Variants in MZT2A observed in about 807,000 individuals in gnomAD.
The protein encoded by MZT2A is mitotic spindle organizing protein 2A.
In MZT2A, 8 loss-of-function variants were observed where a neutral mutation model predicts 12.4. The observed-to-expected ratio is 0.64, with a 90% CI of 0.38 to 1.16. The LOEUF is 1.16. MZT2A is among the 50% of genes most tolerant of loss of function. The probability of loss-of-function intolerance (pLI) is 0.01; values close to 1 mark genes in which losing one functional copy is unlikely to be tolerated. For synonymous variants in MZT2A, 88 were observed against 107.5 expected (o/e 0.82, Z 1.12); for missense variants, 181 against 223.6 (o/e 0.81, Z 1.22).
downstream of MZT2A, chr2:131,482,924 T>TA: frequency 6.4e-7 from 1 of 1,558,688 alleles, no homozygotes. Flanking sequence ...AAAGGTTCTG[T>TA]ATAAAACCAA....
chr2:131,472,954 T>C (rs973269521), intron 2 of MZT2A, among the ~76,000 whole-genome samples: 1 of 149,854 alleles, frequency 6.7e-6, no homozygotes, highest in Non-Finnish European at 1.5e-5. Flanking sequence ...TAATCCCCAA[T>C]GTGACTGTAG....
intron 2 of MZT2A, among the ~76,000 whole-genome samples, chr2:131,474,405 CTT>C (rs70994777): frequency 6.3e-5 from 6 of 94,844 alleles, no homozygotes; most frequent in Non-Finnish European, 8.0e-5. Context: ...TCTTCTTCTT[CTT>C]TTTTTTTTTT....
At chr2:131,492,807 C>A, upstream of MZT2A, 1 of 1,425,340 alleles carries the variant, frequency 7.0e-7, no homozygotes. Context: ...CACTAATCAA[C>A]AACCCTGCTT....
Position 131,484,067 on chromosome 2 carries a change from G to A in MZT2A, c.471C>T (p.Ser157=), listed in dbSNP as rs779056275. 6.2e-7 allele frequency: 1 copy of A among 1,608,960 alleles called. No individual in the cohort carries two copies. Among genetic ancestry groups the A allele is most frequent in the South Asian group, 1.1e-5 (1 of 90,914 alleles). Residue 157 remains serine (S), a synonymous_variant, in exon 3 of 3, where the codon AGC becomes AGT. Transcript: ENST00000309451. ...GGPGKSPTQG[S]T ...GACAAGTCTCTGCCCCATCCTAGGT[G>A]CTGCCCTGCGTAGGGCTCTTCCCAG...
At chr2:131,492,789 G>GT, upstream of MZT2A, 7 of 1,344,920 alleles carry the variant, frequency 5.2e-6, no homozygotes, top group Non-Finnish European at 2.9e-6. Context: ...TTCGGGGGGG[G>GT]TGGGGGGCAC....
At chr2:131,485,945 C>T (rs896185743) in intron 2 of MZT2A, among the ~76,000 whole-genome samples, 1 of 151,834 alleles carries the variant, frequency 6.6e-6, no homozygotes, top group African/African-American at 2.4e-5. Flanking sequence ...CTCCCCATAC[C>T]CTGCAGGGAT....
At chr2:131,482,468 G>C, downstream of MZT2A, 2 of 1,530,674 alleles carry the variant, frequency 1.3e-6, no homozygotes, top group South Asian at 2.6e-5. Flanking sequence ...CACCTACAGG[G>C]TGTCTTCTGT....
chr2:131,490,950 C>T (rs1370497812), intron 2 of MZT2A: 2 of 1,549,224 alleles, frequency 1.3e-6, no homozygotes, highest in African/African-American at 2.7e-5. Flanking sequence ...GTGAAGAGGC[C>T]AGCACGCAGG....
intron 2 of MZT2A, chr2:131,490,359 G>C: frequency 9.2e-7 from 1 of 1,081,478 alleles, no homozygotes; most frequent in Non-Finnish European, 1.1e-6. Flanking sequence ...ACTTCTAAGA[G>C]GCCGAGGCGT....
intron 2 of MZT2A, among the ~76,000 whole-genome samples, chr2:131,488,544 C>G (rs1403291570): frequency 6.8e-6 from 1 of 147,500 alleles, no homozygotes; most frequent in Non-Finnish European, 1.5e-5. Flanking sequence ...CCCCGGATTA[C>G]TCCGACAACC....
chr2:131,488,309 G>A (rs1034578535), intron 2 of MZT2A, among the ~76,000 whole-genome samples: 17 of 152,048 alleles, frequency 1.1e-4, no homozygotes, highest in East Asian at 7.7e-4. Context: ...GACAAGCATC[G>A]ACCCTCTGTG....
downstream of MZT2A, among the ~76,000 whole-genome samples, chr2:131,481,850 GCCA>G (rs1227972102): frequency 2.0e-5 from 3 of 152,242 alleles, no homozygotes; most frequent in Admixed American, 6.5e-5. Context: ...ACAGGCTTGA[GCCA>G]CCACACCTGG....
At chr2:131,482,244 A>C (rs1270573825), downstream of MZT2A, among the ~76,000 whole-genome samples, 4 of 152,166 alleles carry the variant, frequency 2.6e-5, no homozygotes, top group Non-Finnish European at 5.9e-5. Flanking sequence ...CAAAGAAGAC[A>C]AGCAGCATAC....
At chr2:131,475,455 G>A (rs531009209) in intron 2 of MZT2A, among the ~76,000 whole-genome samples, 12 of 149,030 alleles carry the variant, frequency 8.1e-5, no homozygotes, top group Non-Finnish European at 1.3e-4. Flanking sequence ...TCAGCCTCCC[G>A]TGTAGCTGGG....
At chr2:131,475,569 G>A (rs1351207341) in intron 2 of MZT2A, among the ~76,000 whole-genome samples, 3 of 151,936 alleles carry the variant, frequency 2.0e-5, no homozygotes, top group Admixed American at 1.3e-4. Flanking sequence ...GACCTCAGGT[G>A]ATCCACCCGC....
chr2:131,477,017 T>G (rs1226808896), intron 2 of MZT2A, among the ~76,000 whole-genome samples: 1 of 142,134 alleles, frequency 7.0e-6, no homozygotes, highest in Admixed American at 6.7e-5. Context: ...AGTTATCCTT[T>G]TTTTCCTTTC....
At position 131,492,315 on chromosome 2, in the gene MZT2A, G is replaced by A. The variant is rs1199521694; in HGVS notation, c.62C>T (p.Ala21Val). 1.3e-6 allele frequency: 2 copies of A among 1,527,296 alleles called. No individual in the cohort carries two copies. Among genetic ancestry groups the A allele is most frequent in the African/African-American group, 1.4e-5 (1 of 70,386 alleles). The allele number at this position is 1,527,296 out of a possible 1,614,324, so 94.6% of individuals were successfully genotyped here. Reference protein sequence around the residue: ...GSAAPPGLEAARQKLALRRKK... With the variant: ...GSAAPPGLEAVRQKLALRRKK... ...GCGCCGCAGCGCCAGCTTCTGCCGG[G>A]CCGCCTCCAGCCCCGGGGGCGCCGC... The change falls in exon 1 of 3, where the codon GCC becomes GTC. Residue 21 changes from alanine (A) to valine (V), a missense_variant. Ala to Val is a moderately conservative substitution (Grantham distance 64). Transcript: ENST00000309451.
intron 2 of MZT2A, among the ~76,000 whole-genome samples, chr2:131,473,819 C>T (rs1217674851): frequency 2.7e-5 from 4 of 146,924 alleles, no homozygotes; most frequent in South Asian, 2.1e-4. Flanking sequence ...CTGCTCTTCC[C>T]GGGACAGGGG....
At chr2:131,480,869 A>G (rs1224929749), downstream of MZT2A, 15 of 1,385,780 alleles carry the variant, frequency 1.1e-5, no homozygotes, top group African/African-American at 4.4e-5. Flanking sequence ...GCATGTGGGC[A>G]TAAATTAGTG....
Sources: gnomAD v4.1 joint callset for allele counts (sites outside exome capture counted in the v4.1 genomes callset) on GRCh38, gnomAD v4.1.1 for gene constraint, MANE v1.5 for transcripts, NCBI Gene and HGNC (gene_info 2026-07-23, HGNC 2026-07-21) for gene names.